MYO9A: variants seen among roughly 807,000 people sequenced by gnomAD.
The protein encoded by MYO9A is unconventional myosin-IXa.
MYO9A carries 103 observed loss-of-function variants against 293.3 expected under a neutral mutation model. The observed-to-expected ratio is 0.35, with a 90% CI of 0.30 to 0.41. MYO9A has a LOEUF of 0.41. MYO9A is among the 10% of genes least tolerant of loss of function. The probability of loss-of-function intolerance (pLI) is 1.00; values close to 1 mark genes in which losing one functional copy is unlikely to be tolerated. For missense variants in MYO9A, 2,685 were observed against 3,033.0 expected, an observed-to-expected ratio of 0.89 and a Z score of 2.69; for synonymous variants, 1,001 against 1,035.7, an observed-to-expected ratio of 0.97 and a Z score of 0.64.
chr15:71,921,348 C>T (rs1453429135), intron 18 of MYO9A, among the ~76,000 whole-genome samples: 2 of 152,212 alleles, frequency 1.3e-5, no homozygotes, highest in East Asian at 3.8e-4. Context: ...CATAGTTGTA[C>T]AAACTAAGTG....
At chr15:71,851,066 G>A (rs185272670) in intron 37 of MYO9A, among the ~76,000 whole-genome samples, 187 bp downstream of exon 37, 1 of 152,262 alleles carries the variant, frequency 6.6e-6, no homozygotes, top group Non-Finnish European at 1.5e-5. Flanking sequence ...AAAAGCAACT[G>A]CCATGCATTC....
intron 18 of MYO9A, among the ~76,000 whole-genome samples, chr15:71,918,346 A>G (rs1596189117): frequency 6.6e-6 from 1 of 152,314 alleles, no homozygotes; most frequent in Non-Finnish European, 1.5e-5. Flanking sequence ...ATATACTTCA[A>G]AAAATAATGA....
chr15:71,867,077 C>CAA (rs979981800), intron 32 of MYO9A, among the ~76,000 whole-genome samples: 15 of 97,956 alleles, frequency 1.5e-4, no homozygotes, highest in Admixed American at 1.4e-3. Context: ...AAAAACAAAA[C>CAA]ACACACACAC....
chr15:71,823,621 T>C lies in MYO9A; in HGVS notation c.*2959A>G, dbSNP rs1170602887. The C allele has an allele frequency of 6.6e-6, 1 of 152,268 alleles. No individual in the cohort carries two copies. The highest frequency in any genetic ancestry group is 1.5e-5 in the Non-Finnish European group (1 of 68,046). The allele number at this position is 152,268 out of a possible 1,614,324, so 9.4% of individuals were successfully genotyped here. ...GTATTTGCTGTTGATTTGCTTCAAT[T>C]TGTGATACAGAATGAAATCACACTT... On this transcript the variant is annotated 3_prime_UTR_variant, in exon 42 of 42. Transcript: ENST00000356056.
chr15:71,985,382 T>C (rs1458409293), intron 11 of MYO9A, among the ~76,000 whole-genome samples: 1 of 152,152 alleles, frequency 6.6e-6, no homozygotes, highest in East Asian at 1.9e-4. Flanking sequence ...CTGGTGGAGA[T>C]TGTATTTGCT....
At chr15:72,071,367 G>C (rs2150173961) in intron 1 of MYO9A, among the ~76,000 whole-genome samples, 1 of 152,196 alleles carries the variant, frequency 6.6e-6, no homozygotes, top group South Asian at 2.1e-4. Context: ...CAGTCAGAAT[G>C]GCTATTATTA....
chr15:71,880,981 T>C (rs1164483048), intron 28 of MYO9A, among the ~76,000 whole-genome samples: 1 of 152,176 alleles, frequency 6.6e-6, no homozygotes, highest in Non-Finnish European at 1.5e-5. Flanking sequence ...TGTAGCTATA[T>C]ACAAGTCCAA....
rs918313060 is a variant in MYO9A, at chr15:71,945,987, T to A, written c.2302+5790A>T. ...TTTTCTCCATCTACTGAGACAATCA[T>A]ATGTGGCTTTCTTTTTATATGGTTA... On this transcript the variant is annotated intron_variant, in intron 15 of 41. Coordinates refer to ENST00000356056, the MANE Select transcript of MYO9A (RefSeq NM_006901.4). Among the ~76,000 whole-genome samples the A allele has an allele frequency of 5.3e-5, 8 of 152,232 alleles. No individual in the cohort carries two copies. In the East Asian group the frequency reaches 1.3e-3, roughly 26 times the overall value.
intron 34 of MYO9A, among the ~76,000 whole-genome samples, chr15:71,859,276 C>T (rs765101819): frequency 2.6e-5 from 4 of 152,132 alleles, no homozygotes; most frequent in Non-Finnish European, 2.9e-5. Flanking sequence ...AGGTATCAAA[C>T]AGTATGTGTA....
At position 71,826,461 on chromosome 15, in the gene MYO9A, T is replaced by C. The variant is rs1173060937; in HGVS notation, c.*119A>G. 1 of 1,014,110 alleles carries C rather than the reference T, an allele frequency of 9.9e-7. No homozygotes were observed. The highest frequency in any genetic ancestry group is 1.4e-6 in the Non-Finnish European group (1 of 699,180). 62.8% of individuals were successfully genotyped at this position (1,014,110 alleles called of 1,614,324 possible). A position where few individuals can be genotyped will look rare whatever the true frequency, so the allele number is the denominator to read the frequency against. ...GCACATACAGTCTTAGCCATATGCT[T>C]AGAAAAGAGGCAGGACCACAATTAG... is the stretch of plus-strand genomic sequence containing the variant. On this transcript the variant is annotated 3_prime_UTR_variant, in exon 42 of 42. Transcript: ENST00000356056.
In MYO9A at chr15:71,878,238, G is replaced by A. The variant is rs759831515; in HGVS notation, c.5740-7C>T. ...TGCTTTTCCCATCATCCATCTATAA[G>A]CAATAAGAAAAGAAATGTATGGTTT... On this transcript the variant is annotated splice_region_variant and splice_polypyrimidine_tract_variant and intron_variant, in intron 30 of 41. Transcript: ENST00000356056. The A allele has an allele frequency of 2.2e-5, 33 of 1,510,916 alleles. No homozygotes were observed. The highest frequency in any genetic ancestry group is 1.8e-4 in the Middle Eastern group (1 of 5,700). 93.6% of individuals were successfully genotyped at this position (1,510,916 alleles called of 1,614,324 possible). A position where few individuals can be genotyped will look rare whatever the true frequency, so the allele number is the denominator to read the frequency against.
At chr15:72,069,044 C>G (rs2079103499) in intron 1 of MYO9A, among the ~76,000 whole-genome samples, 2 of 152,182 alleles carry the variant, frequency 1.3e-5, no homozygotes, top group South Asian at 4.1e-4. Context: ...CAGTCCAGCC[C>G]TAGAATCTGG....
intron 32 of MYO9A, among the ~76,000 whole-genome samples, chr15:71,873,058 G>A (rs888542546): frequency 5.3e-5 from 8 of 151,834 alleles, no homozygotes; most frequent in Non-Finnish European, 1.0e-4. Flanking sequence ...GATTACAGGC[G>A]CCCATCACCA....
intron 18 of MYO9A, among the ~76,000 whole-genome samples, chr15:71,917,014 G>A (rs2058029591): frequency 1.3e-5 from 2 of 152,184 alleles, no homozygotes; most frequent in South Asian, 2.1e-4. Flanking sequence ...AGTATGTACC[G>A]CAAGTAGCAG....
At chr15:71,956,350 T>TATATATATAAAA (rs1475961500) in intron 14 of MYO9A, among the ~76,000 whole-genome samples, 1 of 121,172 alleles carries the variant, frequency 8.3e-6, no homozygotes, top group Non-Finnish European at 1.7e-5. Flanking sequence ...TATATATATA[T>TATATATATAAAA]AAAATACGCC....
chr15:71,943,905 A>G (rs575024543), intron 15 of MYO9A, among the ~76,000 whole-genome samples: 1 of 152,294 alleles, frequency 6.6e-6, no homozygotes, highest in Admixed American at 6.5e-5. Context: ...TTCATGAAAC[A>G]TATGGGAAAA....
intron 6 of MYO9A, among the ~76,000 whole-genome samples, chr15:72,015,691 T>G (rs1224743025): frequency 6.8e-6 from 1 of 148,090 alleles, no homozygotes; most frequent in Non-Finnish European, 1.5e-5. Flanking sequence ...AGGTTTTTTT[T>G]TTTTTTTTTT....
chr15:71,972,292 T>C (rs948398504), intron 12 of MYO9A: 1 of 152,092 alleles, frequency 6.6e-6, no homozygotes, highest in Non-Finnish European at 1.5e-5. Flanking sequence ...CCTTCCCCCA[T>C]ACCTTGCCCT....
chr15:72,107,247 T>C (rs964846638), intron 1 of MYO9A, among the ~76,000 whole-genome samples: 1 of 152,104 alleles, frequency 6.6e-6, no homozygotes, highest in South Asian at 2.1e-4. Flanking sequence ...ACCTAAATAG[T>C]GGTTTCTAAA....
Sources: gnomAD v4.1 joint callset for allele counts (sites outside exome capture counted in the v4.1 genomes callset) on GRCh38, gnomAD v4.1.1 for gene constraint, MANE v1.5 for transcripts, NCBI Gene and HGNC (gene_info 2026-07-23, HGNC 2026-07-21) for gene names.